DDX10: variants seen among roughly 807,000 people sequenced by gnomAD.
DDX10 encodes the protein probable ATP-dependent RNA helicase DDX10.
In DDX10, 74 loss-of-function variants were observed where a neutral mutation model predicts 104.3. The ratio of observed to expected loss-of-function variants is 0.71; its 90% CI spans 0.59 to 0.86. DDX10 has a LOEUF of 0.86. Among genes scored for constraint, DDX10 ranks in the 40% least tolerant of loss-of-function variants. The probability of loss-of-function intolerance (pLI) is 0.00; values close to 1 mark genes in which losing one functional copy is unlikely to be tolerated. For synonymous variants in DDX10, 351 were observed against 353.4 expected, an observed-to-expected ratio of 0.99 and a Z score of 0.08; for missense variants, 952 against 1,040.0, an observed-to-expected ratio of 0.92 and a Z score of 1.16.
At chr11:108,790,337 G>A (rs1351818243) in intron 13 of DDX10, among the ~76,000 whole-genome samples, 3 of 152,158 alleles carry the variant, frequency 2.0e-5, no homozygotes, top group Admixed American at 6.5e-5. Context: ...GAACTACAAA[G>A]AGAATATTTT....
At chr11:108,807,924 G>T (rs1410290622) in intron 13 of DDX10, among the ~76,000 whole-genome samples, 1 of 152,164 alleles carries the variant, frequency 6.6e-6, no homozygotes, top group African/African-American at 2.4e-5. Context: ...AAGGTGGAAG[G>T]TAAATTAGAA....
intron 9 of DDX10, among the ~76,000 whole-genome samples, chr11:108,702,891 T>A (rs1031705263): frequency 5.9e-5 from 9 of 152,260 alleles, no homozygotes; most frequent in African/African-American, 2.2e-4. Flanking sequence ...TATTTTGTAT[T>A]GCTACTTCCT....
rs1399525336 is a variant in DDX10, at chr11:108,838,682, G to A, written c.2085+117G>A. On this transcript the variant is annotated intron_variant, in intron 14 of 17. Coordinates refer to ENST00000322536, the MANE Select transcript of DDX10 (RefSeq NM_004398.4). Reference sequence around the variant, plus strand: ...TAAATGTTTCTCTACAGCATGCTGGGCCATTCCTTTCACTGTTACTGTAGG... The same window carrying A: ...TAAATGTTTCTCTACAGCATGCTGGACCATTCCTTTCACTGTTACTGTAGG... 5.9e-6 allele frequency: 7 copies of A among 1,194,306 alleles called. No individual in the cohort carries two copies. The East Asian group carries it at 1.1e-4, about 18-fold the overall frequency. The allele number at this position is 1,194,306 out of a possible 1,614,324, so 74.0% of individuals were successfully genotyped here.
chr11:108,842,720 G>A (rs1454138254), intron 15 of DDX10, among the ~76,000 whole-genome samples: 2 of 152,182 alleles, frequency 1.3e-5, no homozygotes, highest in Admixed American at 1.3e-4. Context: ...TCTTAGTGCA[G>A]CAATTAAATT....
intron 13 of DDX10, among the ~76,000 whole-genome samples, chr11:108,837,772 G>A (rs746005838): frequency 7.9e-5 from 12 of 151,482 alleles, no homozygotes; most frequent in Non-Finnish European, 1.6e-4. Flanking sequence ...ACAGGCGCCC[G>A]CCACCACACC....
At chr11:108,724,640 A>T (rs890580442) in intron 13 of DDX10, among the ~76,000 whole-genome samples, 3 of 152,076 alleles carry the variant, frequency 2.0e-5, no homozygotes, top group African/African-American at 7.2e-5. Context: ...TTTCGTTTTA[A>T]ATAATTTAGC....
At chr11:108,791,129 G>A (rs1861865589) in intron 13 of DDX10, among the ~76,000 whole-genome samples, 1 of 152,214 alleles carries the variant, frequency 6.6e-6, no homozygotes, top group African/African-American at 2.4e-5. Flanking sequence ...GTCATAAAAA[G>A]TGTCTTGGCT....
intron 13 of DDX10, among the ~76,000 whole-genome samples, chr11:108,812,644 G>T (rs1397851876): frequency 6.6e-6 from 1 of 152,040 alleles, no homozygotes; most frequent in Non-Finnish European, 1.5e-5. Context: ...GCTAAAAGAT[G>T]TAAAATGGAG....
At chr11:108,932,729 A>G (rs1025302358) in intron 17 of DDX10, among the ~76,000 whole-genome samples, 1 of 152,042 alleles carries the variant, frequency 6.6e-6, no homozygotes. Context: ...AACAAAAGTT[A>G]TGAGTTGAGA....
intron 13 of DDX10, among the ~76,000 whole-genome samples, chr11:108,817,562 C>A (rs987100293): frequency 3.3e-5 from 5 of 152,214 alleles, no homozygotes; most frequent in African/African-American, 1.2e-4. Flanking sequence ...CCTTGACATA[C>A]GTGCATATTT....
chr11:108,846,993 C>T (rs562680680), intron 15 of DDX10, among the ~76,000 whole-genome samples: 3 of 152,268 alleles, frequency 2.0e-5, no homozygotes, highest in South Asian at 2.1e-4. Flanking sequence ...CATGAGTTGT[C>T]GTTGTAGCCT....
chr11:108,730,577 T>A (rs1034146870), intron 13 of DDX10, among the ~76,000 whole-genome samples: 8 of 152,188 alleles, frequency 5.3e-5, no homozygotes, highest in African/African-American at 1.9e-4. Flanking sequence ...ATAGAACTCA[T>A]AGGTAGGGTT....
At chr11:108,890,646 C>CT (rs1863363901) in intron 16 of DDX10, among the ~76,000 whole-genome samples, 1 of 151,682 alleles carries the variant, frequency 6.6e-6, no homozygotes, top group Admixed American at 6.6e-5. Context: ...CATTAAACTA[C>CT]TTTTTTCAAC....
rs373628256 is a variant in DDX10 at position 108,909,118 on chromosome 11, C to T, written c.2305-8755C>T. On this transcript the variant is annotated intron_variant, in intron 16 of 17. Transcript: ENST00000322536. ...TTAGGGTGGCATCTCTAGATAGCTTCAGGGTAGAGGCTGGTTACCAGAAAG... is the reference window on the plus strand; with the variant it reads ...TTAGGGTGGCATCTCTAGATAGCTTTAGGGTAGAGGCTGGTTACCAGAAAG... Among the ~76,000 whole-genome samples, 7 of 152,272 alleles carry T rather than the reference C, an allele frequency of 4.6e-5. No homozygotes were observed. The East Asian group carries it at 1.4e-3, about 29-fold the overall frequency.
chr11:108,835,090 TG>T (rs1240446730), intron 13 of DDX10, among the ~76,000 whole-genome samples: 2 of 152,010 alleles, frequency 1.3e-5, no homozygotes, highest in East Asian at 3.9e-4. Context: ...CTGACAGAAG[TG>T]GGGGTCTTAT....
intron 13 of DDX10, among the ~76,000 whole-genome samples, chr11:108,818,926 C>G (rs1862289511): frequency 6.6e-6 from 1 of 152,106 alleles, no homozygotes. Flanking sequence ...TTAAGAAATT[C>G]TCAAAGTTTA....
In DDX10 at chr11:108,716,001, T is replaced by C. The variant is rs772093513; in HGVS notation, c.1410+35T>C. ...TTTTCAGTTGGATACTTTCATTGAC[T>C]GGAAAAACAGTAAAGTTTATCATTT... is the stretch of plus-strand genomic sequence containing the variant. On this transcript the variant is annotated intron_variant, in intron 11 of 17. Coordinates refer to ENST00000322536, the MANE Select transcript of DDX10 (RefSeq NM_004398.4). 6.3e-6 allele frequency: 7 copies of C among 1,106,484 alleles called. No individual in the cohort carries two copies. The African/African-American group carries it at 1.1e-4, about 17-fold the overall frequency. The allele number at this position is 1,106,484 out of a possible 1,614,324, so 68.5% of individuals were successfully genotyped here.
chr11:108,939,950 C>A (rs1327638038), intron 17 of DDX10, among the ~76,000 whole-genome samples: 1 of 152,074 alleles, frequency 6.6e-6, no homozygotes, highest in Non-Finnish European at 1.5e-5. Flanking sequence ...GCGAGACATA[C>A]CTGTGGTGCA....
At chr11:108,756,353 C>T (rs1460028116) in intron 13 of DDX10, among the ~76,000 whole-genome samples, 1 of 152,014 alleles carries the variant, frequency 6.6e-6, no homozygotes, top group Non-Finnish European at 1.5e-5. Flanking sequence ...TCACGGAGAT[C>T]AAATGGCATT....
Sources: allele counts gnomAD v4.1 joint callset (sites outside exome capture counted in the v4.1 genomes callset), GRCh38; gene constraint gnomAD v4.1.1; transcripts MANE v1.5; gene names NCBI Gene and HGNC (gene_info 2026-07-23, HGNC 2026-07-21).